TBCD: variants seen among roughly 807,000 people sequenced by gnomAD.
TBCD encodes tubulin-specific chaperone D.
In TBCD, 105 loss-of-function variants were observed where a neutral mutation model predicts 169.3. The ratio of observed to expected loss-of-function variants is 0.62; its 90% CI spans 0.53 to 0.73. The LOEUF is 0.73. Ranked by LOEUF, TBCD falls within the 30% of genes least tolerant of loss-of-function variation. The pLI, the probability that TBCD is intolerant of heterozygous loss-of-function variation, is 0.00. For missense variants in TBCD, 1,444 were observed against 1,600.1 expected (o/e 0.90, Z 1.66); for synonymous variants, 700 against 643.9 (o/e 1.09, Z -1.32).
chr17:82,825,836 A>G (rs897621487), intron 13 of TBCD, among the ~76,000 whole-genome samples: 37 of 152,190 alleles, frequency 2.4e-4, no homozygotes, highest in African/African-American at 8.4e-4. Flanking sequence ...GCCATGTCTC[A>G]CATCTGTACT....
At chr17:82,857,176 C>T (rs997810611) in intron 13 of TBCD, among the ~76,000 whole-genome samples, 3 of 152,184 alleles carry the variant, frequency 2.0e-5, no homozygotes, top group African/African-American at 7.2e-5. Context: ...GAGGGGGTAT[C>T]TTGTGATTTT....
At chr17:82,919,854 A>T (rs915945684) in intron 23 of TBCD, among the ~76,000 whole-genome samples, 8 of 152,182 alleles carry the variant, frequency 5.3e-5, no homozygotes, top group Non-Finnish European at 1.2e-4. Context: ...CCGCATCTGT[A>T]GCACGGTCAG....
At chr17:82,780,718 C>T (rs1379752517) in intron 6 of TBCD, among the ~76,000 whole-genome samples, 1 of 133,492 alleles carries the variant, frequency 7.5e-6, no homozygotes, top group Non-Finnish European at 1.5e-5. Context: ...AATCTTGGCT[C>T]ACTGCAACCT....
At position 82,863,344 on chromosome 17, in the gene TBCD, C is replaced by T. The variant is rs182897965; in HGVS notation, c.1319-6880C>T. Among the ~76,000 whole-genome samples the T allele has an allele frequency of 2.4e-4, 37 of 152,260 alleles. No homozygotes were observed. In the East Asian group the frequency reaches 6.0e-3, roughly 25 times the overall value. On this transcript the variant is annotated intron_variant, in intron 13 of 38. Transcript: ENST00000355528. The stretch of plus-strand genomic sequence containing the variant: ...GGTGCTGTGGCTTCGCAGACCCGGA[C>T]GCAGCGTGGAGGCCAAGCGGTGTCT...
intron 17 of TBCD, among the ~76,000 whole-genome samples, chr17:82,899,983 C>A (rs1395429674): frequency 6.6e-6 from 1 of 152,156 alleles, no homozygotes; most frequent in Non-Finnish European, 1.5e-5. Context: ...TATTCTGTTA[C>A]AAGTCGGTTT....
chr17:82,884,352 G>A lies in TBCD; in HGVS notation c.1533+150G>A, dbSNP rs1276272530. 2.7e-6 allele frequency: 2 copies of A among 739,796 alleles called. No homozygotes were observed. 45.8% of individuals were successfully genotyped at this position (739,796 alleles called of 1,614,324 possible). A position where few individuals can be genotyped will look rare whatever the true frequency, so the allele number is the denominator to read the frequency against. On this transcript the variant is annotated intron_variant, in intron 15 of 38. Coordinates refer to ENST00000355528, the MANE Select transcript of TBCD (RefSeq NM_005993.5). The surrounding 1 kb of genome is among the most constrained non-coding windows in gnomAD (Gnocchi z 4.2). ...TGCTGAGAGTGCCAGCTGCGGGCAG[G>A]CCACTGGTTCTTACTGTCTCTGGGC...
intron 13 of TBCD, among the ~76,000 whole-genome samples, chr17:82,856,543 T>C (rs2056297148): frequency 6.6e-6 from 1 of 152,196 alleles, no homozygotes; most frequent in Non-Finnish European, 1.5e-5. Flanking sequence ...GTGTGGCCTT[T>C]CGTAGATGAT....
In TBCD at chr17:82,925,869, G is replaced by A. The variant is rs575416518; in HGVS notation, c.2380-531G>A. 1.5e-3 allele frequency among the ~76,000 whole-genome samples: 221 copies of A among 152,282 alleles called. 1 individual carries two copies. The highest frequency in any genetic ancestry group is 5.2e-3 in the African/African-American group (216 of 41,548). The stretch of plus-strand genomic sequence containing the variant: ...AAGGGGGGGACCTCAGGTAGGGTGT[G>A]GCCAGACCCCCAGTGACACCCTGGG... On this transcript the variant is annotated intron_variant, in intron 27 of 38. Transcript: ENST00000355528.
At chr17:82,929,661 C>G in intron 32 of TBCD, 161 bp downstream of exon 32, 1 of 1,004,528 alleles carries the variant, frequency 1.0e-6, no homozygotes, top group Non-Finnish European at 1.5e-6. Flanking sequence ...GTGTCTTCCT[C>G]ATGACCCAGG....
chr17:82,756,346 G>T, intron 2 of TBCD, 131 bp downstream of exon 2: 1 of 992,150 alleles, frequency 1.0e-6, no homozygotes, highest in Non-Finnish European at 1.5e-6. Context: ...TTGCTTGCCT[G>T]GCTGGTTGGT....
At chr17:82,776,630 A>G (rs1277774294) in intron 6 of TBCD, among the ~76,000 whole-genome samples, 1 of 151,996 alleles carries the variant, frequency 6.6e-6, no homozygotes, top group Non-Finnish European at 1.5e-5. Flanking sequence ...TCGATACTGC[A>G]CTCAGCTCTG....
chr17:82,821,604 C>T lies in TBCD; in HGVS notation c.1318+6670C>T, dbSNP rs1175080714. ...ATGCAATCTTCAGGCTGGGGTCCTT[C>T]ACTGCCCCCTCTCAAGGAGGCCTAC... On this transcript the variant is annotated intron_variant, in intron 13 of 38. Coordinates refer to ENST00000355528, the MANE Select transcript of TBCD (RefSeq NM_005993.5). Among the ~76,000 whole-genome samples, 3 of 152,200 alleles carry T rather than the reference C, an allele frequency of 2.0e-5. No individual in the cohort carries two copies. In the East Asian group the frequency reaches 5.8e-4, roughly 29 times the overall value.
intron 13 of TBCD, among the ~76,000 whole-genome samples, chr17:82,815,332 C>T (rs1185863322): frequency 6.6e-6 from 1 of 152,210 alleles, no homozygotes; most frequent in African/African-American, 2.4e-5. Flanking sequence ...ATTGTCGCCC[C>T]TTAAGGACAC....
intron 13 of TBCD, chr17:82,859,599 T>TC (rs2056598627): frequency 1.0e-6 from 1 of 985,438 alleles, no homozygotes; most frequent in Middle Eastern, 5.2e-4. Context: ...CACTGCAGAC[T>TC]CCAAGTGTGA....
intron 7 of TBCD, among the ~76,000 whole-genome samples, chr17:82,783,468 T>C (rs1458822115): frequency 6.6e-6 from 1 of 152,250 alleles, no homozygotes; most frequent in Admixed American, 6.5e-5. Flanking sequence ...CAGGACACTG[T>C]CATCATCGTG....
rs2053913852 is a variant in TBCD at position 82,835,729 on chromosome 17, T to G, written c.1318+20795T>G. ...CATGAGCCACCGTGCCTGGCTCATT[T>G]ATTTATAATTCTTAAAAACACAACC... On this transcript the variant is annotated intron_variant, in intron 13 of 38. Transcript: ENST00000355528. This position sits in a 1 kb window ranked among gnomAD's most constrained non-coding sequence, Gnocchi z 4.5. 6.6e-6 allele frequency among the ~76,000 whole-genome samples: 1 copy of G among 152,208 alleles called. No individual in the cohort carries two copies. The highest frequency in any genetic ancestry group is 6.5e-5 in the Admixed American group (1 of 15,288).
chr17:82,923,028 C>T lies in TBCD; in HGVS notation c.2179-624C>T, dbSNP rs775743195. Among the ~76,000 whole-genome samples the T allele has an allele frequency of 1.2e-4, 19 of 152,148 alleles. No homozygotes were observed. Among genetic ancestry groups the T allele is most frequent in the East Asian group, 7.7e-4 (4 of 5,178 alleles). On this transcript the variant is annotated intron_variant, in intron 25 of 38. Transcript: ENST00000355528. This position sits in a 1 kb window ranked among gnomAD's most constrained non-coding sequence, Gnocchi z 4.6. ...TCCTGGTGGCCTTGGGATGGGTTCC[C>T]GGGGGTCTCCTGCTGTCCGGCCCCA...
chr17:82,924,456 T>C (rs2061600455), intron 26 of TBCD, among the ~76,000 whole-genome samples: 1 of 152,252 alleles, frequency 6.6e-6, no homozygotes, highest in Non-Finnish European at 1.5e-5. Context: ...GCACATCATG[T>C]TCGAGGGATC....
Position 82,938,092 on chromosome 17 carries a change from G to C in TBCD, c.3325G>C (p.Ala1109Pro). 6.2e-7 allele frequency: 1 copy of C among 1,612,896 alleles called. No homozygotes were observed. The change falls in exon 36 of 39, where the codon GCC becomes CCC. Residue 1109 changes from alanine to proline, a missense_variant. Physicochemically the swap from Ala to Pro is conservative, Grantham distance 27. Transcript: ENST00000355528. ...GTTCCCCGGCGACGTGAGGAGGCAG[G>C]CCCTCCTGCAGCTGTGTCTGCTCCT... The part of the protein sequence containing the change: ...VQFPGDVRRQ[A>P]LLQLCLLLCH...
Sources: gnomAD v4.1 joint callset for allele counts (sites outside exome capture counted in the v4.1 genomes callset) on GRCh38, gnomAD v4.1.1 for gene constraint, Gnocchi (gnomAD v3.1) non-coding constraint, MANE v1.5 for transcripts, NCBI Gene and HGNC (gene_info 2026-07-23, HGNC 2026-07-21) for gene names.